NEIL3: variants seen among roughly 807,000 people sequenced by gnomAD.
NEIL3 encodes nei like DNA glycosylase 3, also known as endonuclease 8-like 3.
Under a neutral mutation model 57.5 loss-of-function variants are expected in NEIL3, and 48 were observed. That is an observed-to-expected ratio of 0.83 (90% CI 0.66 to 1.06). The LOEUF (loss-of-function observed/expected upper bound fraction) is 1.06, where lower values mean the gene tolerates loss of function less well. Ranked by LOEUF, NEIL3 falls within the 50% of genes least tolerant of loss-of-function variation. The probability of loss-of-function intolerance (pLI) is 0.00; values close to 1 mark genes in which losing one functional copy is unlikely to be tolerated. For synonymous variants in NEIL3, 261 were observed against 253.2 expected (o/e 1.03, Z -0.29); for missense variants, 717 against 739.1 (o/e 0.97, Z 0.35).
At chr4:177,348,907 A>G (rs1328053124) in intron 6 of NEIL3, among the ~76,000 whole-genome samples, 2 of 111,750 alleles carry the variant, frequency 1.8e-5, no homozygotes, top group Non-Finnish European at 3.3e-5. Context: ...TCGCTCTGTC[A>G]CCCAGGCTGG....
chr4:177,353,707 G>A lies in NEIL3; in HGVS notation c.1439G>A (p.Cys480Tyr), dbSNP rs116685059. The change falls in exon 8 of 10, where the codon TGC becomes TAC. Residue 480 changes from cysteine (C) to tyrosine (Y), a missense_variant. Coordinates refer to ENST00000264596, the MANE Select transcript of NEIL3 (RefSeq NM_018248.3). ...TACTCATCACCAGAGCTTAAAAGCT[G>A]CAACCCTGGATATTCTAACAGGTAT... The part of the protein sequence containing the change: ...AQYSSPELKS[C>Y]NPGYSNSELQ... The A allele has an allele frequency of 6.2e-7, 1 of 1,612,014 alleles. No individual in the cohort carries two copies. The highest frequency in any genetic ancestry group is 8.5e-7 in the Non-Finnish European group (1 of 1,179,550).
chr4:177,368,558 A>G, the NEIL3 span, among the ~76,000 whole-genome samples: 1 of 152,014 alleles, frequency 6.6e-6, no homozygotes, highest in African/African-American at 2.4e-5. Context: ...ATTATATATG[A>G]CTCTTCCTTA....
intron 1 of NEIL3, among the ~76,000 whole-genome samples, chr4:177,311,188 A>G (rs552919969): frequency 1.6e-4 from 25 of 152,276 alleles, no homozygotes; most frequent in African/African-American, 4.8e-4. Context: ...AAAATTTTGA[A>G]TACTCAAGAC....
At chr4:177,318,280 A>G (rs904436547) in intron 1 of NEIL3, among the ~76,000 whole-genome samples, 1 of 152,212 alleles carries the variant, frequency 6.6e-6, no homozygotes, top group Non-Finnish European at 1.5e-5. Flanking sequence ...GTTTCCATTA[A>G]GAACCCTTAC....
At chr4:177,345,668 AC>A (rs1735204357) in intron 6 of NEIL3, among the ~76,000 whole-genome samples, 1 of 134,982 alleles carries the variant, frequency 7.4e-6, no homozygotes, top group Non-Finnish European at 1.6e-5. Context: ...GGCATGAGCC[AC>A]CACGCCTGGC....
chr4:177,318,987 A>T (rs1392182359), intron 1 of NEIL3, among the ~76,000 whole-genome samples: 1 of 152,200 alleles, frequency 6.6e-6, no homozygotes, highest in Non-Finnish European at 1.5e-5. Context: ...GAGGAGGATC[A>T]TCTTTCCAGA....
chr4:177,367,911 CTGT>C (rs1432508592), downstream of NEIL3, among the ~76,000 whole-genome samples: 13 of 152,106 alleles, frequency 8.5e-5, no homozygotes, highest in African/African-American at 2.2e-4. Flanking sequence ...GACTTTGTTG[CTGT>C]TGTTGTGGTG....
intron 1 of NEIL3, among the ~76,000 whole-genome samples, chr4:177,314,816 A>G (rs567446549): frequency 3.9e-4 from 59 of 152,192 alleles, no homozygotes; most frequent in Admixed American, 3.5e-3. Flanking sequence ...GGTGGCTCAC[A>G]CCTGTAATTC....
downstream of NEIL3, among the ~76,000 whole-genome samples, chr4:177,367,047 C>T (rs1202200803): frequency 1.3e-5 from 2 of 151,962 alleles, no homozygotes; most frequent in Non-Finnish European, 2.9e-5. Flanking sequence ...GTTTTTTCCC[C>T]TTTGGTTTTG....
chr4:177,334,592 C>T (rs1474841364), intron 2 of NEIL3, among the ~76,000 whole-genome samples: 2 of 152,056 alleles, frequency 1.3e-5, no homozygotes, highest in East Asian at 1.9e-4. Context: ...GTTGAACTTC[C>T]ATAAGTTAAA....
chr4:177,349,768 G>T (rs1035734881), intron 6 of NEIL3, among the ~76,000 whole-genome samples: 2 of 152,170 alleles, frequency 1.3e-5, no homozygotes, highest in South Asian at 4.1e-4. Flanking sequence ...GTAAAGAAAG[G>T]AAAGAATGTT....
intron 2 of NEIL3, among the ~76,000 whole-genome samples, chr4:177,328,930 A>G (rs962401821): frequency 2.6e-5 from 4 of 152,196 alleles, no homozygotes; most frequent in East Asian, 1.9e-4. Flanking sequence ...CGTTTTGCAT[A>G]TCATTTGAAG....
chr4:177,321,810 C>T (rs1205967834), intron 1 of NEIL3, among the ~76,000 whole-genome samples: 1 of 152,146 alleles, frequency 6.6e-6, no homozygotes, highest in Non-Finnish European at 1.5e-5. Flanking sequence ...TGATCTCCTG[C>T]ACCCTCACAA....
chr4:177,344,646 TC>T (rs1367628171), intron 6 of NEIL3, among the ~76,000 whole-genome samples: 1 of 150,682 alleles, frequency 6.6e-6, no homozygotes, highest in African/African-American at 2.4e-5. Context: ...ACTGCAACTT[TC>T]GCCTCCCGGG....
downstream of NEIL3, among the ~76,000 whole-genome samples, chr4:177,366,795 C>T (rs556852312): frequency 2.0e-5 from 3 of 152,182 alleles, no homozygotes; most frequent in Non-Finnish European, 4.4e-5. Flanking sequence ...CCCCAAGGAA[C>T]ATAGCCCAGA....
chr4:177,351,507 T>C lies in NEIL3; in HGVS notation c.997T>C (p.Ser333Pro). Reference protein sequence around the residue: ...CVVCTLINKPSSKACDACLTS... With the variant: ...CVVCTLINKPPSKACDACLTS... The stretch of plus-strand genomic sequence containing the variant: ...GGTGTGTACTTTAATCAATAAGCCC[T>C]CTTCTAAGGCATGTGATGCTTGCTT... The change falls in exon 7 of 10, where the codon TCT (serine) becomes CCT (proline). Residue 333 changes from serine (S) to proline (P), a missense_variant. By Grantham distance (74) the Ser-to-Pro change is moderately conservative. Coordinates refer to ENST00000264596, the MANE Select transcript of NEIL3 (RefSeq NM_018248.3). 1 of 1,613,938 alleles carries C rather than the reference T, an allele frequency of 6.2e-7. No individual in the cohort carries two copies. The highest frequency in any genetic ancestry group is 8.5e-7 in the Non-Finnish European group (1 of 1,179,932).
intron 6 of NEIL3, among the ~76,000 whole-genome samples, chr4:177,347,356 G>T (rs1735244455): frequency 6.6e-6 from 1 of 152,192 alleles, no homozygotes; most frequent in Non-Finnish European, 1.5e-5. Context: ...CAAGGAGCAT[G>T]CAGAGTCGGC....
In NEIL3 at chr4:177,353,532, G is replaced by A. The variant is rs2110932329; in HGVS notation, c.1264G>A (p.Ala422Thr). Residue 422 changes from alanine to threonine, a missense_variant, in exon 8 of 10, where the codon GCT becomes ACT. Coordinates refer to ENST00000264596, the MANE Select transcript of NEIL3 (RefSeq NM_018248.3). ...LDEEFQNSPPASVCLNDIQHP... is the reference protein window; with the variant it reads ...LDEEFQNSPPTSVCLNDIQHP... ...TGAGGAGTTTCAAAACTCTCCTCCT[G>A]CTAGTGTTTGTTTGAATGATATACA... 1 of 1,612,924 alleles carries A rather than the reference G, an allele frequency of 6.2e-7. No homozygotes were observed. The highest frequency in any genetic ancestry group is 1.1e-5 in the South Asian group (1 of 91,034).
intron 2 of NEIL3, among the ~76,000 whole-genome samples, chr4:177,324,708 A>T (rs1734746605): frequency 6.6e-6 from 1 of 152,176 alleles, no homozygotes; most frequent in Non-Finnish European, 1.5e-5. Flanking sequence ...AGTTTTTGCT[A>T]CAAATGTAAC....
Sources: gnomAD v4.1 joint callset for allele counts (sites outside exome capture counted in the v4.1 genomes callset) on GRCh38, gnomAD v4.1.1 for gene constraint, MANE v1.5 for transcripts, NCBI Gene and HGNC (gene_info 2026-07-23, HGNC 2026-07-21) for gene names.